CDC20B: variants seen among roughly 807,000 people sequenced by gnomAD.
The protein encoded by CDC20B is cell division cycle 20B.
A neutral mutation model predicts 64.1 loss-of-function variants in CDC20B; 58 were observed. The observed-to-expected ratio is 0.90, with a 90% CI of 0.73 to 1.13. The LOEUF is 1.13. Among genes scored for constraint, CDC20B ranks in the 50% most tolerant of loss-of-function variants. The probability of loss-of-function intolerance (pLI) is 0.00; values close to 1 mark genes in which losing one functional copy is unlikely to be tolerated. For synonymous variants in CDC20B, 243 were observed against 230.6 expected (o/e 1.05, Z -0.49); for missense variants, 597 against 633.0 (o/e 0.94, Z 0.61).
At chr5:55,152,225 T>C (rs1235173452) in intron 2 of CDC20B, among the ~76,000 whole-genome samples, 1 of 152,236 alleles carries the variant, frequency 6.6e-6, no homozygotes, top group Non-Finnish European at 1.5e-5. Flanking sequence ...AAACTGAGTT[T>C]GGACCTCTGG....
At chr5:55,125,192 G>T (rs1169759486) in intron 8 of CDC20B, among the ~76,000 whole-genome samples, 164 bp from the exon 9 acceptor site, 4 of 152,202 alleles carry the variant, frequency 2.6e-5, no homozygotes, top group African/African-American at 9.7e-5. Context: ...GTTCTGCCTG[G>T]AGGATTCTTT....
intron 2 of CDC20B, among the ~76,000 whole-genome samples, chr5:55,148,708 C>T (rs1182713031): frequency 6.6e-6 from 1 of 151,646 alleles, no homozygotes; most frequent in Non-Finnish European, 1.5e-5. Context: ...AAAATAAAAA[C>T]AAAAAAAGAA....
intron 5 of CDC20B, chr5:55,137,405 T>C: frequency 5.3e-6 from 2 of 375,830 alleles, no homozygotes; most frequent in Non-Finnish European, 5.3e-6. Context: ...TCATTAGATA[T>C]GGACAAGGCA....
At chr5:55,169,159 T>C (rs1744508774) in intron 2 of CDC20B, among the ~76,000 whole-genome samples, 1 of 152,154 alleles carries the variant, frequency 6.6e-6, no homozygotes, top group South Asian at 2.1e-4. Flanking sequence ...ATGGAAGATA[T>C]ACTTAAACAT....
intron 11 of CDC20B, among the ~76,000 whole-genome samples, chr5:55,119,020 A>AGATG (rs1742691104): frequency 6.6e-6 from 1 of 152,090 alleles, no homozygotes; most frequent in Non-Finnish European, 1.5e-5. Context: ...CCCAAAAAGT[A>AGATG]CCTCCCACAT....
At chr5:55,150,188 C>T (rs1260902349) in intron 2 of CDC20B, among the ~76,000 whole-genome samples, 1 of 152,112 alleles carries the variant, frequency 6.6e-6, no homozygotes, top group Non-Finnish European at 1.5e-5. Context: ...GTGCATTTCA[C>T]TTCAATAAAA....
intron 9 of CDC20B, among the ~76,000 whole-genome samples, chr5:55,122,135 T>C (rs1742772453): frequency 6.6e-6 from 1 of 152,222 alleles, no homozygotes; most frequent in African/African-American, 2.4e-5. Context: ...CAAACCTGTT[T>C]ATGACAGGTG....
At chr5:55,119,487 G>T (rs113643112) in intron 11 of CDC20B, among the ~76,000 whole-genome samples, 3 of 152,080 alleles carry the variant, frequency 2.0e-5, no homozygotes, top group Non-Finnish European at 4.4e-5. Context: ...ATTCTACACC[G>T]CTGGTTTTTC....
intron 5 of CDC20B, chr5:55,137,563 A>C (rs540721867): frequency 3.7e-5 from 17 of 456,768 alleles, no homozygotes; most frequent in African/African-American, 3.2e-4. Flanking sequence ...GAGTATTCAG[A>C]GGGCCTCTCA....
chr5:55,142,923 T>C (rs918601461), intron 4 of CDC20B, among the ~76,000 whole-genome samples: 5 of 152,226 alleles, frequency 3.3e-5, no homozygotes, highest in African/African-American at 4.8e-5. Context: ...AGACTCTTCA[T>C]TGGATTTGAT....
At chr5:55,146,987 A>AT (rs543041580) in intron 2 of CDC20B, 131 bp from the exon 3 acceptor site, 2 of 414,180 alleles carry the variant, frequency 4.8e-6, no homozygotes, top group Admixed American at 8.5e-5. Context: ...GATTTTTTTA[A>AT]TTTTTGTAAC....
chr5:55,160,302 T>C (rs373102985), intron 2 of CDC20B: 1 of 1,613,734 alleles, frequency 6.2e-7, no homozygotes, highest in Non-Finnish European at 8.5e-7. Flanking sequence ...CTTCTACAAC[T>C]AAAATTCCTC....
At chr5:55,118,609 A>T (rs1742676371) in intron 11 of CDC20B, among the ~76,000 whole-genome samples, 1 of 152,190 alleles carries the variant, frequency 6.6e-6, no homozygotes, top group Non-Finnish European at 1.5e-5. Flanking sequence ...TTGATTTACA[A>T]TACTTCTCTA....
At chr5:55,143,063 C>G (rs1743373930) in intron 4 of CDC20B, among the ~76,000 whole-genome samples, 1 of 151,778 alleles carries the variant, frequency 6.6e-6, no homozygotes, top group African/African-American at 2.4e-5. Context: ...AAAAAACAAA[C>G]AACAAGAAAG....
Position 55,143,645 on chromosome 5 carries a change from T to C in CDC20B, c.356-2A>G. The C allele has an allele frequency of 6.3e-7, 1 of 1,576,864 alleles. No homozygotes were observed. Among genetic ancestry groups the C allele is most frequent in the Non-Finnish European group, 8.6e-7 (1 of 1,164,424 alleles). The stretch of plus-strand genomic sequence containing the variant: ...TCTTCAGTTGTTCTTTGCGGGATCC[T>C]ACAAGAAAGACATTTATCTTTGAAT... On this transcript the variant is annotated splice_acceptor_variant, in intron 3 of 11. Transcript: ENST00000381375. LOFTEE classifies it high-confidence loss of function.
At chr5:55,120,947 G>A (rs1742740548) in intron 9 of CDC20B, among the ~76,000 whole-genome samples, 1 of 152,120 alleles carries the variant, frequency 6.6e-6, no homozygotes, top group African/African-American at 2.4e-5. Context: ...GTCTACCTGT[G>A]TCCTTATGTT....
At chr5:55,147,410 G>A (rs1408242505) in intron 2 of CDC20B, among the ~76,000 whole-genome samples, 1 of 137,772 alleles carries the variant, frequency 7.3e-6, no homozygotes, top group African/African-American at 2.6e-5. Context: ...TATAAAATAT[G>A]TTATATTTTA....
At chr5:55,119,736 T>A in intron 11 of CDC20B, 65 bp downstream of exon 11, 1 of 991,614 alleles carries the variant, frequency 1.0e-6, no homozygotes, top group Admixed American at 1.9e-5. Flanking sequence ...CATTCAGGGC[T>A]TTTCCCCCCA....
intron 1 of CDC20B, 97 bp from the exon 2 acceptor site, chr5:55,172,747 CACTTTTTTT>C: frequency 3.0e-6 from 2 of 677,078 alleles, no homozygotes. Context: ...TGTCAGATTA[CACTTTTTTT>C]TTTTTTTTTT....
Sources: allele counts gnomAD v4.1 joint callset (sites outside exome capture counted in the v4.1 genomes callset), GRCh38; gene constraint gnomAD v4.1.1; transcripts MANE v1.5; gene names NCBI Gene and HGNC (gene_info 2026-07-23, HGNC 2026-07-21).